The following VEPH1 variants were observed in gnomAD, a reference collection of about 807,000 sequenced individuals.
VEPH1 encodes ventricular zone expressed PH domain containing 1.
A neutral mutation model predicts 85.2 loss-of-function variants in VEPH1; 80 were observed. That is an observed-to-expected ratio of 0.94 (90% CI 0.78 to 1.13). The LOEUF is 1.13. VEPH1 is among the 50% of genes most tolerant of loss of function. The probability of loss-of-function intolerance (pLI) is 0.00; values close to 1 mark genes in which losing one functional copy is unlikely to be tolerated. For synonymous variants in VEPH1, 297 were observed against 348.0 expected, an observed-to-expected ratio of 0.85 and a Z score of 1.63; for missense variants, 955 against 980.5, an observed-to-expected ratio of 0.97 and a Z score of 0.35.
intron 10 of VEPH1, among the ~76,000 whole-genome samples, chr3:157,314,351 A>AAAAAAAAAAAAAAAAAAAAAAT: frequency 6.7e-6 from 1 of 149,716 alleles, no homozygotes; most frequent in Non-Finnish European, 1.5e-5. Flanking sequence ...AAAAAAAAAA[A>AAAAAAAAAAAAAAAAAAAAAAT]AAAAAAAAAA....
intron 4 of VEPH1, 121 bp downstream of exon 4, chr3:157,460,060 C>G (rs1735699163): frequency 6.2e-7 from 1 of 1,600,450 alleles, no homozygotes. Context: ...GGCAGCAAAA[C>G]AGAGAAATTA....
chr3:157,406,110 A>G (rs1361237632), intron 6 of VEPH1, among the ~76,000 whole-genome samples: 2 of 152,144 alleles, frequency 1.3e-5, no homozygotes, highest in African/African-American at 4.8e-5. Context: ...AATAAAAGCT[A>G]TTTTCATTTT....
intron 2 of VEPH1, 56 bp downstream of exon 2, chr3:157,495,156 C>T (rs1739558618): frequency 6.5e-7 from 1 of 1,543,366 alleles, no homozygotes; most frequent in Non-Finnish European, 8.8e-7. Context: ...ATAAACAAAT[C>T]TCTAGCTCTA....
At chr3:157,461,907 AG>A (rs1002399528) in intron 3 of VEPH1, among the ~76,000 whole-genome samples, 2 of 152,028 alleles carry the variant, frequency 1.3e-5, no homozygotes, top group African/African-American at 4.8e-5. Flanking sequence ...ACAATAAAAA[AG>A]TCATAAAGTG....
chr3:157,366,417 A>T (rs1726698473), intron 7 of VEPH1, among the ~76,000 whole-genome samples: 1 of 151,732 alleles, frequency 6.6e-6, no homozygotes, highest in African/African-American at 2.4e-5. Flanking sequence ...AAACATCCTT[A>T]AAAAAACAAG....
chr3:157,342,950 G>A (rs1050844088), intron 9 of VEPH1, among the ~76,000 whole-genome samples: 2 of 152,174 alleles, frequency 1.3e-5, no homozygotes, highest in South Asian at 2.1e-4. Context: ...CGAAATGAAG[G>A]CAGAAATAAA....
In VEPH1 at chr3:157,321,083, A is replaced by AT. The variant is rs981473113; in HGVS notation, c.1736-3883dup. Among the ~76,000 whole-genome samples the AT allele has an allele frequency of 2.0e-3, 307 of 152,216 alleles. 3 individuals carry two copies. Among genetic ancestry groups the AT allele is most frequent in the African/African-American group, 7.2e-3 (300 of 41,536 alleles). ...AGATTAAAAATGGAATATGGCTTTG[A>AT]TTTTTTAATAGCTAGTAGAAATATC... is the stretch of plus-strand genomic sequence containing the variant. On this transcript the variant is annotated intron_variant, in intron 9 of 13. Coordinates refer to ENST00000362010, the MANE Select transcript of VEPH1 (RefSeq NM_001167912.2).
At chr3:157,385,183 T>G (rs1173106226) in intron 6 of VEPH1, among the ~76,000 whole-genome samples, 2 of 146,770 alleles carry the variant, frequency 1.4e-5, no homozygotes, top group Non-Finnish European at 3.0e-5. Context: ...TTTCTACATC[T>G]AGACCCTCAC....
intron 12 of VEPH1, 66 bp from the exon 13 acceptor site, chr3:157,265,728 G>T: frequency 6.4e-7 from 1 of 1,568,828 alleles, no homozygotes; most frequent in Non-Finnish European, 8.7e-7. Flanking sequence ...GTGATCAAAA[G>T]TCAGAACTGT....
intron 7 of VEPH1, among the ~76,000 whole-genome samples, chr3:157,369,902 G>A (rs1727294230): frequency 6.6e-6 from 1 of 152,188 alleles, no homozygotes; most frequent in Admixed American, 6.5e-5. Context: ...GGTCCTGTAT[G>A]TGTTTACTCA....
In VEPH1 at chr3:157,260,702, A is replaced by G. The variant is rs928641397; in HGVS notation, c.*432T>C. ...AACGTTTCTAAAGGTTTTTTTTTTTAAAGTTTTCTTTTAATACCTTTGACA... is the reference window on the plus strand; with the variant it reads ...AACGTTTCTAAAGGTTTTTTTTTTTGAAGTTTTCTTTTAATACCTTTGACA... On this transcript the variant is annotated 3_prime_UTR_variant, in exon 14 of 14. Coordinates refer to ENST00000362010, the MANE Select transcript of VEPH1 (RefSeq NM_001167912.2). 1 of 152,036 alleles carries G rather than the reference A, an allele frequency of 6.6e-6. No individual in the cohort carries two copies. Among genetic ancestry groups the G allele is most frequent in the Non-Finnish European group, 1.5e-5 (1 of 68,728 alleles). 9.4% of individuals were successfully genotyped at this position (152,036 alleles called of 1,614,324 possible).
At chr3:157,336,766 G>T (rs1723010561) in intron 9 of VEPH1, among the ~76,000 whole-genome samples, 1 of 152,134 alleles carries the variant, frequency 6.6e-6, no homozygotes, top group African/African-American at 2.4e-5. Flanking sequence ...CTGTCCATGG[G>T]CAAAGTCTGA....
chr3:157,269,458 A>G (rs560809239), intron 12 of VEPH1, among the ~76,000 whole-genome samples: 2 of 152,204 alleles, frequency 1.3e-5, no homozygotes, highest in Non-Finnish European at 2.9e-5. Context: ...GCAGAACTTT[A>G]AAGTAGCTGA....
chr3:157,419,020 A>G (rs950418768), intron 5 of VEPH1, among the ~76,000 whole-genome samples: 4 of 152,194 alleles, frequency 2.6e-5, no homozygotes, highest in African/African-American at 9.6e-5. Flanking sequence ...TCTCAGAAAT[A>G]AGACCACACA....
intron 6 of VEPH1, among the ~76,000 whole-genome samples, chr3:157,383,036 C>T (rs1414834105): frequency 6.6e-6 from 1 of 151,970 alleles, no homozygotes; most frequent in Non-Finnish European, 1.5e-5. Flanking sequence ...CAGGGTCTCA[C>T]CGTGTTGCCC....
At chr3:157,262,774 A>G (rs950936410) in intron 13 of VEPH1, among the ~76,000 whole-genome samples, 3 of 152,304 alleles carry the variant, frequency 2.0e-5, no homozygotes, top group Non-Finnish European at 2.9e-5. Context: ...AAAATGCTGC[A>G]AGGTATTACA....
intron 11 of VEPH1, among the ~76,000 whole-genome samples, chr3:157,294,351 A>G (rs1026461072): frequency 4.6e-5 from 7 of 152,248 alleles, no homozygotes. Flanking sequence ...CTTGGAACAG[A>G]TACGTATTCT....
At chr3:157,352,223 A>G (rs532230466) in intron 9 of VEPH1, among the ~76,000 whole-genome samples, 3 of 152,338 alleles carry the variant, frequency 2.0e-5, no homozygotes, top group Admixed American at 6.5e-5. Context: ...TTCAAACCAC[A>G]TATAGCAATT....
chr3:157,369,192 A>AAAAAAAAAAAAAAAAAAAC (rs1553773117), intron 7 of VEPH1, among the ~76,000 whole-genome samples: 8 of 142,778 alleles, frequency 5.6e-5, no homozygotes, highest in Non-Finnish European at 7.8e-5. Context: ...AAAAAAAAAA[A>AAAAAAAAAAAAAAAAAAAC]AAAAAAAAAA....
Sources: gnomAD v4.1 joint callset for allele counts (sites outside exome capture counted in the v4.1 genomes callset) on GRCh38, gnomAD v4.1.1 for gene constraint, MANE v1.5 for transcripts, NCBI Gene and HGNC (gene_info 2026-07-23, HGNC 2026-07-21) for gene names.